The following TMC1 variants were observed in gnomAD, a reference collection of about 807,000 sequenced individuals.
The protein encoded by TMC1 is transmembrane channel-like protein 1.
A neutral mutation model predicts 105.8 loss-of-function variants in TMC1; 84 were observed. The ratio of observed to expected loss-of-function variants is 0.79; its 90% CI spans 0.67 to 0.95. TMC1 has a LOEUF of 0.95. Among genes scored for constraint, TMC1 ranks in the 40% least tolerant of loss-of-function variants. The pLI is 0.00. For missense variants in TMC1, 817 were observed against 914.1 expected (o/e 0.89, Z 1.37); for synonymous variants, 315 against 311.5 (o/e 1.01, Z -0.12).
intron 3 of TMC1, among the ~76,000 whole-genome samples, chr9:72,620,629 G>C (rs1825231982): frequency 6.6e-6 from 1 of 152,086 alleles, no homozygotes; most frequent in Admixed American, 6.6e-5. Flanking sequence ...TAAATCTGGA[G>C]AAAAATGGCC....
At chr9:72,629,769 T>C (rs1825415492) in intron 4 of TMC1, among the ~76,000 whole-genome samples, 1 of 152,246 alleles carries the variant, frequency 6.6e-6, no homozygotes, top group Admixed American at 6.5e-5. Context: ...TCCTTGAGAA[T>C]GATAACTTTA....
chr9:72,558,668 G>A (rs889483276), intron 1 of TMC1, among the ~76,000 whole-genome samples: 1 of 152,164 alleles, frequency 6.6e-6, no homozygotes, highest in African/African-American at 2.4e-5. Flanking sequence ...GAAAAATCGG[G>A]ATGATAATGG....
At chr9:72,736,409 C>T (rs958215510) in intron 8 of TMC1, among the ~76,000 whole-genome samples, 2 of 152,108 alleles carry the variant, frequency 1.3e-5, no homozygotes, top group African/African-American at 4.8e-5. Flanking sequence ...TTAATGTTCA[C>T]GAGCTCACAA....
At chr9:72,767,710 A>C (rs1459989718) in intron 12 of TMC1, among the ~76,000 whole-genome samples, 1 of 152,190 alleles carries the variant, frequency 6.6e-6, no homozygotes, top group African/African-American at 2.4e-5. Flanking sequence ...GTTGGACAGA[A>C]ATTTTCTGTG....
intron 5 of TMC1, among the ~76,000 whole-genome samples, chr9:72,685,292 G>A (rs1260801929): frequency 6.7e-6 from 1 of 149,862 alleles, no homozygotes; most frequent in African/African-American, 2.5e-5. Flanking sequence ...ATTTTTAGTA[G>A]AGACGGGGTT....
intron 18 of TMC1, among the ~76,000 whole-genome samples, chr9:72,815,237 T>A (rs1828765410): frequency 6.6e-6 from 1 of 152,168 alleles, no homozygotes; most frequent in African/African-American, 2.4e-5. Context: ...AGGAAGCCTT[T>A]AGATGGGCCA....
intron 13 of TMC1, among the ~76,000 whole-genome samples, chr9:72,788,053 TAAAC>T (rs1027975206): frequency 1.3e-5 from 2 of 152,196 alleles, no homozygotes; most frequent in Admixed American, 6.5e-5. Context: ...TTATCTCAGT[TAAAC>T]AAAACACATA....
intron 1 of TMC1, among the ~76,000 whole-genome samples, chr9:72,557,452 A>G (rs1224103111): frequency 6.6e-6 from 1 of 152,200 alleles, no homozygotes; most frequent in African/African-American, 2.4e-5. Context: ...TTGTTTCTCT[A>G]CTGTTCTAAA....
At chr9:72,530,797 A>C (rs1823486767) in intron 1 of TMC1, among the ~76,000 whole-genome samples, 1 of 147,546 alleles carries the variant, frequency 6.8e-6, no homozygotes. Flanking sequence ...TAGGATATCT[A>C]ATTTGCCACT....
chr9:72,703,017 T>C (rs1826671112), intron 8 of TMC1, among the ~76,000 whole-genome samples: 1 of 152,192 alleles, frequency 6.6e-6, no homozygotes, highest in Non-Finnish European at 1.5e-5. Context: ...TTGTTTCTTT[T>C]TCTTTTATTT....
intron 2 of TMC1, among the ~76,000 whole-genome samples, chr9:72,598,934 C>T (rs1007408692): frequency 2.0e-5 from 3 of 152,112 alleles, no homozygotes; most frequent in Non-Finnish European, 2.9e-5. Flanking sequence ...ATTAGACCAG[C>T]AGAGTGTTTG....
intron 1 of TMC1, among the ~76,000 whole-genome samples, chr9:72,567,482 C>T (rs1824182758): frequency 6.6e-6 from 1 of 152,180 alleles, no homozygotes; most frequent in Non-Finnish European, 1.5e-5. Context: ...TAAATGATTA[C>T]AGTTCTGCAT....
intron 2 of TMC1, among the ~76,000 whole-genome samples, chr9:72,598,361 G>A (rs1280037989): frequency 8.1e-6 from 1 of 123,200 alleles, no homozygotes; most frequent in African/African-American, 3.2e-5. Context: ...ATTTTCCCAG[G>A]AACGTGAATG....
At chr9:72,584,191 G>A (rs1824514888) in intron 2 of TMC1, among the ~76,000 whole-genome samples, 1 of 152,014 alleles carries the variant, frequency 6.6e-6, no homozygotes, top group South Asian at 2.1e-4. Context: ...AGATAAAGAG[G>A]TATTTCAAAG....
At position 72,787,012 on chromosome 9, in the gene TMC1, GC is replaced by G. The variant is rs1327586506; in HGVS notation, c.885-1325del. The stretch of plus-strand genomic sequence containing the variant: ...GGAATATCTGCTTTCAACCCTTTTG[GC>G]CTCCAAAAAAAAAAAAAAAAGCATT... On this transcript the variant is annotated intron_variant, in intron 13 of 23. Coordinates refer to ENST00000297784, the MANE Select transcript of TMC1 (RefSeq NM_138691.3). Among the ~76,000 whole-genome samples, 11 of 145,016 alleles carry G rather than the reference GC, an allele frequency of 7.6e-5. No homozygotes were observed. The Admixed American group carries it at 7.6e-4, about 10-fold the overall frequency.
At chr9:72,725,325 G>GTATATACATATA (rs1827097146) in intron 8 of TMC1, among the ~76,000 whole-genome samples, 1 of 77,684 alleles carries the variant, frequency 1.3e-5, no homozygotes, top group South Asian at 5.4e-4. Flanking sequence ...ATGTGTGTAT[G>GTATATACATATA]TATATATATA....
chr9:72,746,484 C>T (rs1468681810), intron 10 of TMC1, among the ~76,000 whole-genome samples: 1 of 152,174 alleles, frequency 6.6e-6, no homozygotes, highest in Non-Finnish European at 1.5e-5. Flanking sequence ...AAAAGAGGAG[C>T]TGTTGCCTTC....
intron 5 of TMC1, among the ~76,000 whole-genome samples, chr9:72,666,113 T>C (rs1739397464): frequency 6.6e-6 from 1 of 152,150 alleles, no homozygotes; most frequent in South Asian, 2.1e-4. Context: ...TTATAATAGT[T>C]AGATTTAAAA....
chr9:72,623,936 G>A (rs1825300287), intron 3 of TMC1, among the ~76,000 whole-genome samples: 1 of 152,152 alleles, frequency 6.6e-6, no homozygotes, highest in African/African-American at 2.4e-5. Flanking sequence ...CCAGGTACTG[G>A]TGAGCCCTTG....
Sources: gnomAD v4.1 joint callset for allele counts (sites outside exome capture counted in the v4.1 genomes callset) on GRCh38, gnomAD v4.1.1 for gene constraint, MANE v1.5 for transcripts, NCBI Gene and HGNC (gene_info 2026-07-23, HGNC 2026-07-21) for gene names.